The following PCDH11X variants were observed in gnomAD, a reference collection of about 807,000 sequenced individuals.
PCDH11X encodes protocadherin-11 X-linked.
PCDH11X carries 18 observed loss-of-function variants against 53.3 expected under a neutral mutation model. That is an observed-to-expected ratio of 0.34 (90% CI 0.23 to 0.50). The LOEUF (loss-of-function observed/expected upper bound fraction) is 0.50, where lower values mean the gene tolerates loss of function less well. Among genes scored for constraint, PCDH11X ranks in the 20% least tolerant of loss-of-function variants. The probability of loss-of-function intolerance (pLI) is 0.98; values close to 1 mark genes in which losing one functional copy is unlikely to be tolerated. For synonymous variants in PCDH11X, 279 were observed against 393.3 expected (o/e 0.71, Z 3.44); for missense variants, 570 against 1,032.4 (o/e 0.55, Z 6.14).
Position 91,878,071 on chromosome X carries a change from G to A in PCDH11X, c.1831G>A (p.Asp611Asn), listed in dbSNP as rs1360280956. Reference sequence around the variant, plus strand: ...TTCTGCAGTTACGCTCTCCATTTTAGATGAGAATGATGACTTCACCATTGA... The same window carrying A: ...TTCTGCAGTTACGCTCTCCATTTTAAATGAGAATGATGACTTCACCATTGA... ...DNSAVTLSILDENDDFTIDSQ... is the reference protein window; with the variant it reads ...DNSAVTLSILNENDDFTIDSQ... The change falls in exon 6 of 11, where the codon GAT becomes AAT. Residue 611 changes from aspartate to asparagine, a missense_variant. By Grantham distance (23) the Asp-to-Asn change is conservative (BLOSUM62 1). This residue lies in a region of PCDH11X where 226 missense variants were observed against 457.5 expected (regional missense o/e 0.49). Transcript: ENST00000682573. 5 of 1,206,426 alleles carry A rather than the reference G, an allele frequency of 4.1e-6. No homozygotes were observed. The highest frequency in any genetic ancestry group is 4.5e-6 in the Non-Finnish European group (4 of 892,605).
At chrX:91,783,645 G>A (rs754418122) in intron 1 of PCDH11X, among the ~76,000 whole-genome samples, 5 of 111,700 alleles carry the variant, frequency 4.5e-5, no homozygotes, top group Non-Finnish European at 9.4e-5. Context: ...GTGGAGCAAG[G>A]GGAGGCACAT....
chrX:92,460,894 G>A (rs1303794790), intron 9 of PCDH11X: 15 of 1,043,970 alleles, frequency 1.4e-5, no homozygotes, highest in East Asian at 6.1e-5. Flanking sequence ...ACCACCCGCC[G>A]GAAAGTGGAT....
intron 6 of PCDH11X, among the ~76,000 whole-genome samples, chrX:91,949,364 C>G (rs985238622): frequency 3.7e-5 from 4 of 109,169 alleles, no homozygotes; most frequent in African/African-American, 1.3e-4. Flanking sequence ...GAAAAAAAAA[C>G]TTACAAAAGA....
intron 6 of PCDH11X, chrX:91,883,273 A>T: frequency 3.0e-5 from 23 of 762,242 alleles, no homozygotes; most frequent in Non-Finnish European, 3.3e-5. Context: ...TATATCAGTC[A>T]TGAAACATGC....
rs986790685 is a variant in PCDH11X at position 92,031,653 on chromosome X, T to C, written c.3033+152380T>C. ...AGTCTAATTCATTGTGATTTGACTT[T>C]TTTGTATATGGTGAGAGACAGGGAT... On this transcript the variant is annotated intron_variant, in intron 6 of 10. Coordinates refer to ENST00000682573, the MANE Select transcript of PCDH11X (RefSeq NM_032968.5). Among the ~76,000 whole-genome samples the C allele has an allele frequency of 7.2e-5, 8 of 111,711 alleles. No homozygotes were observed. In the Admixed American group the frequency reaches 7.7e-4, roughly 11 times the overall value.
intron 6 of PCDH11X, among the ~76,000 whole-genome samples, chrX:92,187,016 G>A (rs1225530761): frequency 3.6e-5 from 4 of 111,797 alleles, no homozygotes. Flanking sequence ...AAATATCAGT[G>A]GTTTGAATTC....
At chrX:92,310,368 A>G (rs1201372763) in intron 8 of PCDH11X, among the ~76,000 whole-genome samples, 2 of 112,098 alleles carry the variant, frequency 1.8e-5, no homozygotes, top group Non-Finnish European at 3.8e-5. Flanking sequence ...TTGTGTTAAC[A>G]TCATGTTTTT....
At chrX:92,164,711 G>A (rs941422818) in intron 6 of PCDH11X, among the ~76,000 whole-genome samples, 1 of 107,431 alleles carries the variant, frequency 9.3e-6, no homozygotes, top group Non-Finnish European at 1.9e-5. Flanking sequence ...ATCATGATAT[G>A]GTTTGGCTGT....
At chrX:92,247,777 G>T (rs960501244) in intron 7 of PCDH11X, among the ~76,000 whole-genome samples, 7 of 111,708 alleles carry the variant, frequency 6.3e-5, no homozygotes, top group African/African-American at 2.3e-4. Context: ...TTTATCTCTA[G>T]AGTCTTAGCT....
intron 8 of PCDH11X, among the ~76,000 whole-genome samples, chrX:92,337,071 A>G (rs1289432543): frequency 3.6e-5 from 4 of 110,441 alleles, no homozygotes; most frequent in African/African-American, 1.3e-4. Context: ...AAACTATGAC[A>G]TGTTTAATAC....
intron 10 of PCDH11X, among the ~76,000 whole-genome samples, chrX:92,487,209 C>T (rs1479322773): frequency 3.9e-5 from 4 of 103,722 alleles, no homozygotes; most frequent in Non-Finnish European, 5.9e-5. Context: ...TGCACCACTA[C>T]GCCTGGCTAA....
intron 6 of PCDH11X, among the ~76,000 whole-genome samples, chrX:92,176,885 G>C (rs996596841): frequency 9.0e-6 from 1 of 111,155 alleles, no homozygotes; most frequent in Non-Finnish European, 1.9e-5. Flanking sequence ...ACTTTTTGCG[G>C]GTGTTGGGAG....
rs1213659099 is a variant in PCDH11X, at chrX:91,810,517, G to A, written c.-165G>A. The A allele has an allele frequency of 1.8e-5, 2 of 111,927 alleles. No homozygotes were observed. Among genetic ancestry groups the A allele is most frequent in the East Asian group, 2.8e-4 (1 of 3,559 alleles). 9.2% of individuals were successfully genotyped at this position (111,927 alleles called of 1,213,427 possible). ...AGAAGGATTCCACAGATCACATACC[G>A]GAGAGGTTTTGCCTCAGCTGCTCTC... On this transcript the variant is annotated 5_prime_UTR_variant, in exon 3 of 11. Coordinates refer to ENST00000682573, the MANE Select transcript of PCDH11X (RefSeq NM_032968.5).
At chrX:92,356,007 G>A (rs1379330021) in intron 8 of PCDH11X, among the ~76,000 whole-genome samples, 2 of 111,660 alleles carry the variant, frequency 1.8e-5, no homozygotes, top group Non-Finnish European at 3.8e-5. Flanking sequence ...AACAAGTCGT[G>A]TATATATAGA....
intron 8 of PCDH11X, among the ~76,000 whole-genome samples, chrX:92,287,238 G>A (rs1047893230): frequency 1.8e-5 from 2 of 110,834 alleles, no homozygotes; most frequent in Non-Finnish European, 3.8e-5. Context: ...TGTTACATAG[G>A]TGTCCATGAG....
At chrX:92,255,228 C>T (rs934788059) in intron 7 of PCDH11X, among the ~76,000 whole-genome samples, 9 of 108,118 alleles carry the variant, frequency 8.3e-5, no homozygotes, top group Non-Finnish European at 1.5e-4. Context: ...TCCAGTTGAT[C>T]GCATCGGCTC....
chrX:92,126,735 G>GTA (rs2064873223), intron 6 of PCDH11X, among the ~76,000 whole-genome samples: 1 of 108,427 alleles, frequency 9.2e-6, no homozygotes, highest in Admixed American at 9.9e-5. Flanking sequence ...GTGTGTGTGT[G>GTA]TGTATTAGAT....
intron 10 of PCDH11X, among the ~76,000 whole-genome samples, chrX:92,516,398 CT>C (rs1396468699): frequency 2.7e-5 from 3 of 112,018 alleles, no homozygotes; most frequent in African/African-American, 9.7e-5. Flanking sequence ...TAAAATGAAG[CT>C]TTTTCAGCTT....
intron 6 of PCDH11X, among the ~76,000 whole-genome samples, chrX:92,133,524 G>A (rs1021996166): frequency 9.0e-6 from 1 of 111,321 alleles, no homozygotes; most frequent in African/African-American, 3.3e-5. Context: ...CTGCTACCAC[G>A]CCGGGCTAAT....
Sources: allele counts gnomAD v4.1 joint callset (sites outside exome capture counted in the v4.1 genomes callset), GRCh38; gene constraint gnomAD v4.1.1; regional missense constraint gnomAD v4.1.1; transcripts MANE v1.5; gene names NCBI Gene and HGNC (gene_info 2026-07-23, HGNC 2026-07-21).